The following CSTA variants were observed in gnomAD, a reference collection of about 807,000 sequenced individuals.
CSTA encodes cystatin A.
CSTA carries 9 observed loss-of-function variants against 9.2 expected under a neutral mutation model. That is an observed-to-expected ratio of 0.97 (90% confidence interval 0.59 to 1.70). The LOEUF is 1.70. Among genes scored for constraint, CSTA ranks in the 40% most tolerant of loss-of-function variants. The pLI is 0.00. For missense variants in CSTA, 118 were observed against 113.1 expected, an observed-to-expected ratio of 1.04 and a Z score of -0.20; for synonymous variants, 36 against 40.6, an observed-to-expected ratio of 0.89 and a Z score of 0.43.
intron 1 of CSTA, among the ~76,000 whole-genome samples, chr3:122,336,871 A>G (rs529178054): frequency 6.6e-6 from 1 of 152,208 alleles, no homozygotes; most frequent in South Asian, 2.1e-4. Context: ...CACAAACCTA[A>G]ATTGAGAGAC....
At chr3:122,338,421 G>T (rs1419924755) in intron 2 of CSTA, among the ~76,000 whole-genome samples, 1 of 151,300 alleles carries the variant, frequency 6.6e-6, no homozygotes, top group South Asian at 2.1e-4. Flanking sequence ...TTCACTATTT[G>T]ACCAGGGCAC....
At position 122,328,425 on chromosome 3, in the gene CSTA, G is replaced by A. The variant is rs573964028; in HGVS notation, c.66+3067G>A. Among the ~76,000 whole-genome samples the A allele has an allele frequency of 4.0e-5, 6 of 150,728 alleles. 1 individual carries two copies. Among genetic ancestry groups the A allele is most frequent in the Middle Eastern group, 6.4e-3 (2 of 314 alleles). On this transcript the variant is annotated intron_variant, in intron 1 of 2. Transcript: ENST00000264474. ...TGAGGCAGGAGAATCACTTGAACCC[G>A]GGAGGCGGAGGCCACAGTGAGCCAA...
chr3:122,340,943 AAT>A (rs1491342307), intron 2 of CSTA, among the ~76,000 whole-genome samples: 1 of 48,850 alleles, frequency 2.0e-5, no homozygotes, highest in African/African-American at 9.2e-5. Flanking sequence ...ATTAGTCTAC[AAT>A]TTTTTTTTTT....
intron 1 of CSTA, among the ~76,000 whole-genome samples, chr3:122,327,300 C>A (rs1221566219): frequency 2.0e-5 from 3 of 151,032 alleles, no homozygotes; most frequent in Non-Finnish European, 4.4e-5. Flanking sequence ...GAGGCCGAGG[C>A]GGGTGGATCA....
At chr3:122,330,528 T>C (rs558637756) in intron 1 of CSTA, among the ~76,000 whole-genome samples, 34 of 152,302 alleles carry the variant, frequency 2.2e-4, no homozygotes, top group African/African-American at 8.2e-4. Context: ...TTGAGAAAAC[T>C]TGAATGTTTT....
intron 1 of CSTA, among the ~76,000 whole-genome samples, chr3:122,332,514 T>G (rs531993121): frequency 1.6e-4 from 25 of 152,332 alleles, no homozygotes; most frequent in African/African-American, 6.0e-4. Context: ...ACAGTCCTAT[T>G]GTTTCTGTAG....
chr3:122,340,884 C>T (rs889550498), intron 2 of CSTA, among the ~76,000 whole-genome samples: 1 of 151,330 alleles, frequency 6.6e-6, no homozygotes, highest in Non-Finnish European at 1.5e-5. Flanking sequence ...CCAGATTATA[C>T]TAAAAAAAAT....
intron 1 of CSTA, among the ~76,000 whole-genome samples, chr3:122,326,698 TAA>T (rs2075172266): frequency 6.6e-6 from 1 of 152,222 alleles, no homozygotes; most frequent in Non-Finnish European, 1.5e-5. Context: ...GAGATGATAT[TAA>T]GTCAGTAATG....
At chr3:122,326,441 T>C (rs1457338958) in intron 1 of CSTA, among the ~76,000 whole-genome samples, 1 of 152,254 alleles carries the variant, frequency 6.6e-6, no homozygotes, top group African/African-American at 2.4e-5. Flanking sequence ...AGGTTTTTAG[T>C]TTGTTGCCTT....
At chr3:122,336,348 G>A (rs1255998941) in intron 1 of CSTA, among the ~76,000 whole-genome samples, 1 of 152,132 alleles carries the variant, frequency 6.6e-6, no homozygotes, top group Admixed American at 6.5e-5. Flanking sequence ...GAGGCATGTT[G>A]AAAGAACACA....
At chr3:122,339,454 A>G (rs1009551035) in intron 2 of CSTA, among the ~76,000 whole-genome samples, 5 of 152,236 alleles carry the variant, frequency 3.3e-5, no homozygotes, top group Admixed American at 6.5e-5. Flanking sequence ...GAAACTAAAA[A>G]GATCACACAA....
intron 1 of CSTA, among the ~76,000 whole-genome samples, chr3:122,331,994 A>G (rs2075207211): frequency 6.6e-6 from 1 of 152,204 alleles, no homozygotes; most frequent in South Asian, 2.1e-4. Context: ...CATGCAGTTC[A>G]CAATAGGGTT....
chr3:122,335,403 C>T (rs2075230882), intron 1 of CSTA, among the ~76,000 whole-genome samples: 1 of 152,132 alleles, frequency 6.6e-6, no homozygotes, highest in South Asian at 2.1e-4. Flanking sequence ...AAGAATTATA[C>T]CCAAATACTG....
chr3:122,332,560 G>C (rs1009716195), intron 1 of CSTA, among the ~76,000 whole-genome samples: 1 of 151,950 alleles, frequency 6.6e-6, no homozygotes, highest in Non-Finnish European at 1.5e-5. Context: ...CTGAGTGTTG[G>C]GTGCCTCATG....
chr3:122,341,637 A>G lies in CSTA; in HGVS notation c.*70A>G, dbSNP rs1329028258. ...GTCATGATCCTTGCTGATAAATATA[A>G]CCATCAATAAAGAAGCATTCTTTTC... On this transcript the variant is annotated 3_prime_UTR_variant, in exon 3 of 3. Transcript: ENST00000264474. 3 of 1,554,648 alleles carry G rather than the reference A, an allele frequency of 1.9e-6. No individual in the cohort carries two copies. The highest frequency in any genetic ancestry group is 2.7e-5 in the African/African-American group (2 of 73,480).
intron 1 of CSTA, among the ~76,000 whole-genome samples, chr3:122,336,329 A>G (rs538736297): frequency 6.6e-6 from 1 of 152,316 alleles, no homozygotes; most frequent in East Asian, 1.9e-4. Context: ...AAGTGCTTAT[A>G]AAATGATGGA....
At chr3:122,339,673 C>A (rs1020712556) in intron 2 of CSTA, among the ~76,000 whole-genome samples, 2 of 152,142 alleles carry the variant, frequency 1.3e-5, no homozygotes, top group African/African-American at 2.4e-5. Flanking sequence ...GGCAACATAG[C>A]AAGACCCTGC....
intron 1 of CSTA, among the ~76,000 whole-genome samples, chr3:122,333,777 C>T (rs78491174): frequency 0.078 from 11,882 of 151,940 alleles, 760 homozygotes; most frequent in African/African-American, 0.17. Flanking sequence ...GCTTAGGATA[C>T]GTGCTTAAAA....
chr3:122,331,782 G>C (rs1209977292), intron 1 of CSTA, among the ~76,000 whole-genome samples: 1 of 152,104 alleles, frequency 6.6e-6, no homozygotes, highest in African/African-American at 2.4e-5. Flanking sequence ...GTTGTTCATT[G>C]CCTCCCACCC....
Sources: allele counts gnomAD v4.1 joint callset (sites outside exome capture counted in the v4.1 genomes callset), GRCh38; gene constraint gnomAD v4.1.1; transcripts MANE v1.5; gene names NCBI Gene and HGNC (gene_info 2026-07-23, HGNC 2026-07-21).